The following PTPRE variants were observed in gnomAD, a reference collection of about 807,000 sequenced individuals.
The protein encoded by PTPRE is protein tyrosine phosphatase receptor type E.
PTPRE carries 51 observed loss-of-function variants against 102.0 expected under a neutral mutation model. The ratio of observed to expected loss-of-function variants is 0.50; its 90% confidence interval spans 0.40 to 0.63. PTPRE has a LOEUF of 0.63. Among genes scored for constraint, PTPRE ranks in the 30% least tolerant of loss-of-function variants. The probability of loss-of-function intolerance (pLI) is 0.00; values close to 1 mark genes in which losing one functional copy is unlikely to be tolerated. For missense variants in PTPRE, 752 were observed against 915.1 expected (o/e 0.82, Z 2.30); for synonymous variants, 345 against 348.2 (o/e 0.99, Z 0.10).
chr10:128,001,906 T>C (rs1853946815), intron 2 of PTPRE, among the ~76,000 whole-genome samples: 1 of 152,172 alleles, frequency 6.6e-6, no homozygotes, highest in African/African-American at 2.4e-5. Context: ...GCTCACCTGG[T>C]TTCTCCTCTC....
In PTPRE at chr10:128,069,768, G is replaced by A; in HGVS notation, c.1084G>A (p.Asp362Asn). The change falls in exon 13 of 21, where the codon GAT becomes AAT. Residue 362 changes from aspartate (D) to asparagine (N), a missense_variant. Asp to Asn is a conservative substitution (Grantham distance 23, BLOSUM62 1). Transcript: ENST00000254667. ...MAMMHAEQKV[D>N]VFEFVSRIRN... The stretch of plus-strand genomic sequence containing the variant: ...CATGATGCACGCGGAGCAGAAGGTG[G>A]ATGTGTTTGAATTTGTGTCTCGAAT... The A allele has an allele frequency of 2.5e-6, 4 of 1,614,186 alleles. No homozygotes were observed. Among genetic ancestry groups the A allele is most frequent in the Non-Finnish European group, 3.4e-6 (4 of 1,180,038 alleles).
chr10:128,047,451 C>T lies in PTPRE; in HGVS notation c.171C>T (p.Leu57=). The change falls in exon 4 of 21, where the codon CTC becomes CTT. Residue 57 remains leucine (L), a synonymous_variant. Transcript: ENST00000254667. ...CCTGGCTGCTACTGCCGCTGCTGCT[C>T]CTCCTCCTCGTGCTCCTTCTCGCCG... ...LLAWLLLPLL[L]LLLVLLLAAY... 1 of 1,613,308 alleles carries T rather than the reference C, an allele frequency of 6.2e-7. No homozygotes were observed. The highest frequency in any genetic ancestry group is 8.5e-7 in the Non-Finnish European group (1 of 1,180,010).
chr10:128,005,353 T>C (rs1274988413), intron 2 of PTPRE, among the ~76,000 whole-genome samples: 3 of 152,156 alleles, frequency 2.0e-5, no homozygotes, highest in African/African-American at 7.2e-5. Context: ...AGGCTCAGCT[T>C]GGTGCTGGTG....
chr10:128,023,373 AG>A (rs1055487747), intron 2 of PTPRE, among the ~76,000 whole-genome samples: 1 of 152,188 alleles, frequency 6.6e-6, no homozygotes, highest in Non-Finnish European at 1.5e-5. Flanking sequence ...TAGTACGTAT[AG>A]GAAAAAGCAT....
In PTPRE at chr10:128,070,869, TGAA is replaced by T; in HGVS notation, c.1360_1362del (p.Lys454del). ...AGGACGGGCAACTTGCCGGCAAACA[TGAA>T]GAAGGCCAGGGTCATCCAGATCATC... On this transcript the variant is annotated inframe_deletion, in exon 15 of 21. Transcript: ENST00000254667. This position sits in a 1 kb window ranked among gnomAD's most constrained non-coding sequence, Gnocchi z 4.8. 1 of 1,614,104 alleles carries T rather than the reference TGAA, an allele frequency of 6.2e-7. No homozygotes were observed. Among genetic ancestry groups the T allele is most frequent in the Non-Finnish European group, 8.5e-7 (1 of 1,179,988 alleles).
chr10:127,938,717 G>A lies in PTPRE; in HGVS notation c.-31+31408G>A, dbSNP rs144282884. 2.5e-3 allele frequency among the ~76,000 whole-genome samples: 388 copies of A among 152,194 alleles called. 2 individuals carry two copies. The highest frequency in any genetic ancestry group is 8.8e-3 in the African/African-American group (364 of 41,538). On this transcript the variant is annotated intron_variant, in intron 1 of 20. Coordinates refer to ENST00000254667, the MANE Select transcript of PTPRE (RefSeq NM_006504.6). ...TATATTTTTTTGCTACAGATTTGGA[G>A]TGTGTAAATTGATAAAATTAGTATC...
chr10:127,919,815 C>T (rs530889092), intron 1 of PTPRE, among the ~76,000 whole-genome samples: 1 of 152,196 alleles, frequency 6.6e-6, no homozygotes, highest in Non-Finnish European at 1.5e-5. Context: ...CTTTTGTTTA[C>T]AAATGATTTA....
At chr10:127,999,603 C>T (rs767021706) in intron 2 of PTPRE, 6 of 985,452 alleles carry the variant, frequency 6.1e-6, no homozygotes, top group Non-Finnish European at 7.2e-6. Context: ...TCAGCAGCTA[C>T]ACTGGATTAT....
In PTPRE at chr10:128,070,998, C is replaced by A. The variant is rs1385404641; in HGVS notation, c.1387+97C>A. On this transcript the variant is annotated intron_variant, in intron 15 of 20. Coordinates refer to ENST00000254667, the MANE Select transcript of PTPRE (RefSeq NM_006504.6). The surrounding 1 kb of genome is among the most constrained non-coding windows in gnomAD (Gnocchi z 4.8). ...GCCATTGACCGCTTACCCCTGTGCACCAGGGTCAAAAGCAGGGTGTCCTCT... is the reference window on the plus strand; with the variant it reads ...GCCATTGACCGCTTACCCCTGTGCAACAGGGTCAAAAGCAGGGTGTCCTCT... 3 of 1,243,432 alleles carry A rather than the reference C, an allele frequency of 2.4e-6. No individual in the cohort carries two copies. The African/African-American group carries it at 4.5e-5, about 19-fold the overall frequency. The allele number at this position is 1,243,432 out of a possible 1,614,324, so 77.0% of individuals were successfully genotyped here.
At chr10:128,042,849 C>T (rs1007407279) in intron 3 of PTPRE, among the ~76,000 whole-genome samples, 8 of 152,020 alleles carry the variant, frequency 5.3e-5, no homozygotes, top group African/African-American at 9.7e-5. Context: ...AAAAATAATA[C>T]GTAAAAGAAC....
chr10:127,961,437 C>T (rs1194980097), intron 1 of PTPRE, among the ~76,000 whole-genome samples: 4 of 152,010 alleles, frequency 2.6e-5, no homozygotes, highest in African/African-American at 9.7e-5. Context: ...GGAGAGGAAA[C>T]GGTAAAGACC....
At chr10:128,001,702 G>T (rs574730054) in intron 2 of PTPRE, among the ~76,000 whole-genome samples, 1 of 152,276 alleles carries the variant, frequency 6.6e-6, no homozygotes, top group South Asian at 2.1e-4. Context: ...TCTGACCTAG[G>T]GGTCTGCCAT....
chr10:128,060,062 CCA>C (rs1409627671), intron 7 of PTPRE, among the ~76,000 whole-genome samples: 4 of 138,478 alleles, frequency 2.9e-5, no homozygotes, highest in South Asian at 2.4e-4. Flanking sequence ...CACATACACA[CCA>C]CACACATACC....
rs183076106 is a variant in PTPRE at position 127,988,086 on chromosome 10, T to C, written c.-8+5790T>C. ...CAAGAAATGTATAAATGCTTTTGGG[T>C]GTATGAGTTACAGAGAGATTTCTCA... On this transcript the variant is annotated intron_variant, in intron 2 of 20. Coordinates refer to ENST00000254667, the MANE Select transcript of PTPRE (RefSeq NM_006504.6). 2.0e-3 allele frequency among the ~76,000 whole-genome samples: 302 copies of C among 152,302 alleles called. 1 individual carries two copies. The highest frequency in any genetic ancestry group is 6.4e-3 in the African/African-American group (268 of 41,570).
chr10:127,998,038 A>G (rs555155670), intron 2 of PTPRE: 2 of 152,346 alleles, frequency 1.3e-5, no homozygotes, highest in African/African-American at 4.8e-5. Flanking sequence ...TGTGACTGCA[A>G]TGGGAAGCAG....
intron 19 of PTPRE, 140 bp from the exon 20 acceptor site, chr10:128,079,420 A>C (rs933963739): frequency 2.0e-5 from 21 of 1,031,886 alleles, no homozygotes; most frequent in Non-Finnish European, 2.6e-5. Flanking sequence ...ACAAATGATC[A>C]AAAAAAAATT....
intron 2 of PTPRE, among the ~76,000 whole-genome samples, chr10:127,997,845 T>C (rs1853431834): frequency 6.6e-6 from 1 of 152,246 alleles, no homozygotes; most frequent in Admixed American, 6.5e-5. Flanking sequence ...AGTAAATTAA[T>C]GTATTTTAAG....
intron 1 of PTPRE, among the ~76,000 whole-genome samples, chr10:127,918,230 T>G (rs1020162898): frequency 1.3e-5 from 2 of 152,126 alleles, no homozygotes; most frequent in Non-Finnish European, 2.9e-5. Flanking sequence ...GACCTCAGGC[T>G]GGCTTGGAGC....
chr10:128,035,424 A>G (rs1198507691), intron 2 of PTPRE, among the ~76,000 whole-genome samples: 1 of 152,218 alleles, frequency 6.6e-6, no homozygotes, highest in Admixed American at 6.5e-5. Flanking sequence ...TTAGAGAAGC[A>G]TATATTTTGA....
Sources: allele counts gnomAD v4.1 joint callset (sites outside exome capture counted in the v4.1 genomes callset), GRCh38; gene constraint gnomAD v4.1.1; non-coding constraint Gnocchi (gnomAD v3.1); transcripts MANE v1.5; gene names NCBI Gene and HGNC (gene_info 2026-07-23, HGNC 2026-07-21).